The following RALGAPA2 variants were observed in gnomAD, a reference collection of about 807,000 sequenced individuals.
The protein encoded by RALGAPA2 is ral GTPase-activating protein subunit alpha-2.
RALGAPA2 carries 139 observed loss-of-function variants against 230.4 expected under a neutral mutation model. That is an observed-to-expected ratio of 0.60 (90% CI 0.53 to 0.69). The LOEUF (loss-of-function observed/expected upper bound fraction) is 0.69. Ranked by LOEUF, RALGAPA2 falls within the 30% of genes least tolerant of loss-of-function variation. RALGAPA2 has a pLI of 0.00. For missense variants in RALGAPA2, 2,163 were observed against 2,276.0 expected (o/e 0.95, Z 1.01); for synonymous variants, 847 against 837.8 (o/e 1.01, Z -0.19).
chr20:20,516,928 C>T (rs2062889185), intron 31 of RALGAPA2, among the ~76,000 whole-genome samples: 1 of 152,196 alleles, frequency 6.6e-6, no homozygotes, highest in African/African-American at 2.4e-5. Context: ...TGGAAGTCTC[C>T]TGCAGCAGAC....
At chr20:20,675,014 C>A (rs1036639891) in intron 3 of RALGAPA2, among the ~76,000 whole-genome samples, 19 of 151,982 alleles carry the variant, frequency 1.3e-4, no homozygotes, top group African/African-American at 4.6e-4. Context: ...ATTCTTTAAC[C>A]ATTACATAAA....
chr20:20,413,410 A>C (rs1400179064), intron 37 of RALGAPA2, among the ~76,000 whole-genome samples: 4 of 152,118 alleles, frequency 2.6e-5, no homozygotes, highest in Non-Finnish European at 5.9e-5. Flanking sequence ...CTACTCCTTC[A>C]GTTATATTCA....
chr20:20,495,327 G>A (rs1174293444), intron 35 of RALGAPA2, 52 bp from the exon 36 acceptor site: 1 of 1,383,502 alleles, frequency 7.2e-7, no homozygotes, highest in African/African-American at 1.4e-5. Context: ...AGCAGTTTAT[G>A]AGGGGTCATG....
At chr20:20,636,173 T>G (rs906379293) in intron 8 of RALGAPA2, among the ~76,000 whole-genome samples, 2 of 152,222 alleles carry the variant, frequency 1.3e-5, no homozygotes, top group African/African-American at 4.8e-5. Context: ...AGGCATCAAA[T>G]GCTACCTTTT....
At chr20:20,499,789 TTGTC>T (rs1370721204) in intron 35 of RALGAPA2, among the ~76,000 whole-genome samples, 3 of 152,212 alleles carry the variant, frequency 2.0e-5, no homozygotes, top group African/African-American at 7.2e-5. Flanking sequence ...ACTACGGAAG[TTGTC>T]TGTAATTGGG....
intron 16 of RALGAPA2, among the ~76,000 whole-genome samples, chr20:20,601,212 G>C (rs540542637): frequency 6.6e-6 from 1 of 152,152 alleles, no homozygotes; most frequent in Non-Finnish European, 1.5e-5. Flanking sequence ...ACTGAAATAC[G>C]CTGCAAAGAT....
At chr20:20,488,654 C>T (rs1452268505) in intron 36 of RALGAPA2, among the ~76,000 whole-genome samples, 1 of 152,200 alleles carries the variant, frequency 6.6e-6, no homozygotes, top group East Asian at 1.9e-4. Flanking sequence ...AAGCTCCCTA[C>T]ATACTGACTG....
intron 4 of RALGAPA2, among the ~76,000 whole-genome samples, chr20:20,653,195 C>CAAAAAAAAAAAAAAAAAAAA (rs60906434): frequency 2.2e-4 from 6 of 27,530 alleles, no homozygotes; most frequent in Non-Finnish European, 3.1e-4. Flanking sequence ...GACTCCATCT[C>CAAAAAAAAAAAAAAAAAAAA]AAAAAAAAAA....
intron 15 of RALGAPA2, among the ~76,000 whole-genome samples, chr20:20,602,708 G>A (rs948986841): frequency 1.3e-5 from 2 of 152,086 alleles, no homozygotes; most frequent in East Asian, 1.9e-4. Flanking sequence ...TAATGTGTTC[G>A]GTACATTTTG....
intron 26 of RALGAPA2, among the ~76,000 whole-genome samples, chr20:20,533,260 A>G (rs1210395140): frequency 6.6e-6 from 1 of 152,130 alleles, no homozygotes; most frequent in Non-Finnish European, 1.5e-5. Flanking sequence ...GGGATGGGAT[A>G]AAATTACAAA....
intron 9 of RALGAPA2, among the ~76,000 whole-genome samples, chr20:20,630,329 TG>T (rs1188334258): frequency 6.6e-6 from 1 of 152,232 alleles, no homozygotes; most frequent in East Asian, 1.9e-4. Context: ...TACTTTTAAG[TG>T]TCAAAAATAT....
intron 23 of RALGAPA2, among the ~76,000 whole-genome samples, chr20:20,550,980 C>T (rs2063908143): frequency 6.6e-6 from 1 of 152,156 alleles, no homozygotes; most frequent in African/African-American, 2.4e-5. Context: ...AAAGGTGGCA[C>T]ACAAACAAGC....
At chr20:20,574,402 T>C (rs1348357091) in intron 20 of RALGAPA2, among the ~76,000 whole-genome samples, 1 of 152,170 alleles carries the variant, frequency 6.6e-6, no homozygotes, top group East Asian at 1.9e-4. Flanking sequence ...TTGAAACAAA[T>C]AGTTAATGAA....
chr20:20,709,516 G>A (rs558478357), intron 1 of RALGAPA2, among the ~76,000 whole-genome samples: 180 of 152,284 alleles, frequency 1.2e-3, no homozygotes, highest in Middle Eastern at 6.8e-3. Flanking sequence ...ATCTTTGCTG[G>A]AGCAATATGG....
At chr20:20,475,619 G>A (rs1263791694) in intron 36 of RALGAPA2, among the ~76,000 whole-genome samples, 1 of 151,984 alleles carries the variant, frequency 6.6e-6, no homozygotes, top group Non-Finnish European at 1.5e-5. Flanking sequence ...AGCTTAAAGG[G>A]GGAAAAAGGT....
intron 3 of RALGAPA2, among the ~76,000 whole-genome samples, chr20:20,667,587 G>C (rs2067998246): frequency 6.6e-6 from 1 of 152,192 alleles, no homozygotes; most frequent in Non-Finnish European, 1.5e-5. Context: ...GTATGTCCTA[G>C]AAGAAACCCA....
At chr20:20,483,848 GA>G (rs1424029021) in intron 36 of RALGAPA2, among the ~76,000 whole-genome samples, 1 of 152,122 alleles carries the variant, frequency 6.6e-6, no homozygotes, top group African/African-American at 2.4e-5. Context: ...GGATAAAAAT[GA>G]GAGGCTAAAA....
At chr20:20,583,532 A>C (rs1356487820) in intron 19 of RALGAPA2, among the ~76,000 whole-genome samples, 3 of 152,182 alleles carry the variant, frequency 2.0e-5, no homozygotes, top group Non-Finnish European at 2.9e-5. Flanking sequence ...ACCAAGTCCT[A>C]AAGTGTGCTG....
In RALGAPA2 at chr20:20,583,135, T is replaced by A. The variant is rs376400587; in HGVS notation, c.2622A>T (p.Glu874Asp). 1.3e-4 allele frequency: 216 copies of A among 1,613,750 alleles called. No individual in the cohort carries two copies. In the South Asian group the frequency reaches 2.3e-3, roughly 17 times the overall value. The change falls in exon 20 of 40, where the codon GAA becomes GAT. Residue 874 changes from glutamate (E) to aspartate (D), a missense_variant. Coordinates refer to ENST00000202677, the MANE Select transcript of RALGAPA2 (RefSeq NM_020343.4). ...GPWQTCEEDP[E>D]LNTPTDVVAD... is the part of the protein sequence containing the mutation. ...CCACAACATCTGTGGGAGTATTCAG[T>A]TCTGGGTCTTCCTCACAGGTCTGCC...
Sources: gnomAD v4.1 joint callset for allele counts (sites outside exome capture counted in the v4.1 genomes callset) on GRCh38, gnomAD v4.1.1 for gene constraint, MANE v1.5 for transcripts, NCBI Gene and HGNC (gene_info 2026-07-23, HGNC 2026-07-21) for gene names.